Variants in BBS2 observed in about 807,000 individuals in gnomAD.
The protein encoded by BBS2 is BBSome complex member BBS2.
In BBS2, 62 loss-of-function variants were observed where a neutral mutation model predicts 83.0. The observed-to-expected ratio is 0.75, with a 90% CI of 0.61 to 0.92. The LOEUF (loss-of-function observed/expected upper bound fraction) is 0.92, where lower values mean the gene tolerates loss of function less well. Among genes scored for constraint, BBS2 ranks in the 40% least tolerant of loss-of-function variants. BBS2 has a pLI of 0.00. For missense variants in BBS2, 784 were observed against 901.0 expected, an observed-to-expected ratio of 0.87 and a Z score of 1.66; for synonymous variants, 303 against 326.1, an observed-to-expected ratio of 0.93 and a Z score of 0.76.
intron 9 of BBS2, 132 bp from the exon 10 acceptor site, chr16:56,501,629 C>G: frequency 7.9e-7 from 1 of 1,269,746 alleles, no homozygotes; most frequent in African/African-American, 1.5e-5. Context: ...TAATCTGATT[C>G]TTTAGAATTC....
At chr16:56,490,314 C>A (rs1185385671) in intron 15 of BBS2, among the ~76,000 whole-genome samples, 1 of 151,922 alleles carries the variant, frequency 6.6e-6, no homozygotes, top group Non-Finnish European at 1.5e-5. Flanking sequence ...TTACTCTATA[C>A]CCTGCTGTTA....
At chr16:56,516,289 G>A (rs1424239498) in intron 1 of BBS2, among the ~76,000 whole-genome samples, 1 of 152,190 alleles carries the variant, frequency 6.6e-6, no homozygotes, top group African/African-American at 2.4e-5. Flanking sequence ...TCTAGCTGAG[G>A]AGGTGCTGCA....
At chr16:56,499,703 T>C (rs1964205649) in intron 12 of BBS2, 75 bp downstream of exon 12, 2 of 1,590,510 alleles carry the variant, frequency 1.3e-6, no homozygotes, top group Admixed American at 3.3e-5. Flanking sequence ...TTAATGTAAT[T>C]TTCCCTTTCT....
At chr16:56,513,719 T>A (rs1254530420) in intron 2 of BBS2, among the ~76,000 whole-genome samples, 2 of 152,156 alleles carry the variant, frequency 1.3e-5, no homozygotes, top group African/African-American at 2.4e-5. Flanking sequence ...GTGATACTAA[T>A]GGGTATGGGT....
chr16:56,478,725 AG>A (rs1327024074), intron 17 of BBS2: 1 of 152,148 alleles, frequency 6.6e-6, no homozygotes, highest in East Asian at 1.9e-4. Context: ...TGTGCTTTTT[AG>A]TGTCTCCTTT....
intron 1 of BBS2, among the ~76,000 whole-genome samples, chr16:56,518,892 T>C (rs1338012533): frequency 1.3e-5 from 2 of 152,246 alleles, no homozygotes; most frequent in Non-Finnish European, 2.9e-5. Context: ...GACTCTCACA[T>C]CTTGCCCAGT....
chr16:56,483,425 T>C (rs1963694130), downstream of BBS2, among the ~76,000 whole-genome samples: 1 of 152,170 alleles, frequency 6.6e-6, no homozygotes, highest in Admixed American at 6.5e-5. Flanking sequence ...CAAACCTTTT[T>C]CCTTAGGCTT....
chr16:56,480,369 A>AAAAAAAAAAAAAAAAAC (rs1963639810), downstream of BBS2, among the ~76,000 whole-genome samples: 3 of 145,468 alleles, frequency 2.1e-5, no homozygotes, highest in African/African-American at 7.6e-5. Context: ...AAAAAAACAA[A>AAAAAAAAAAAAAAAAAC]AAAAAAAACA....
chr16:56,485,396 C>T (rs189941032), intron 16 of BBS2, among the ~76,000 whole-genome samples, 194 bp downstream of exon 16: 36 of 152,228 alleles, frequency 2.4e-4, no homozygotes, highest in African/African-American at 8.7e-4. Context: ...GGTTTTCTCT[C>T]CCTTTGAAGT....
chr16:56,517,130 G>A (rs1305874556), intron 1 of BBS2, among the ~76,000 whole-genome samples: 2 of 151,928 alleles, frequency 1.3e-5, no homozygotes, highest in Non-Finnish European at 2.9e-5. Context: ...CTTCTACTCC[G>A]ACACCTACCT....
intron 2 of BBS2, among the ~76,000 whole-genome samples, 181 bp downstream of exon 2, chr16:56,514,272 C>A (rs1309690344): frequency 6.6e-6 from 1 of 152,120 alleles, no homozygotes. Flanking sequence ...GCAACCATAA[C>A]CAAATAAATA....
chr16:56,506,086 A>C, intron 6 of BBS2, 34 bp downstream of exon 6: 1 of 1,609,208 alleles, frequency 6.2e-7, no homozygotes, highest in Non-Finnish European at 8.5e-7. Context: ...ATAACTATCA[A>C]GCGCCTGAAT....
Position 56,498,628 on chromosome 16 carries a change from A to C in BBS2, c.1528-60T>G. On this transcript the variant is annotated intron_variant, in intron 12 of 16. Coordinates refer to ENST00000245157, the MANE Select transcript of BBS2 (RefSeq NM_031885.5). Reference sequence around the variant, plus strand: ...TTAAGGTACAGACGTTCTTTTTTTTAATGTGCCTCTAGATATGAAGGTACA... The same window carrying C: ...TTAAGGTACAGACGTTCTTTTTTTTCATGTGCCTCTAGATATGAAGGTACA... 1.9e-6 allele frequency: 3 copies of C among 1,610,456 alleles called. 1 individual carries two copies. In the South Asian group the frequency reaches 3.3e-5, roughly 18 times the overall value.
intron 2 of BBS2, among the ~76,000 whole-genome samples, chr16:56,512,245 G>A (rs1417041180): frequency 2.0e-5 from 3 of 152,182 alleles, no homozygotes; most frequent in African/African-American, 7.2e-5. Context: ...ACTGCAGGCA[G>A]GAGTATAAAG....
At chr16:56,493,942 T>C (rs1307825706) in intron 15 of BBS2, among the ~76,000 whole-genome samples, 1 of 152,118 alleles carries the variant, frequency 6.6e-6, no homozygotes, top group Non-Finnish European at 1.5e-5. Flanking sequence ...GTTATGTTGA[T>C]ACTGATTGGA....
intron 12 of BBS2, 107 bp from the exon 13 acceptor site, chr16:56,498,675 C>A (rs774552156): frequency 1.3e-5 from 21 of 1,578,658 alleles, no homozygotes; most frequent in Non-Finnish European, 1.8e-5. Flanking sequence ...GGGAAGAGTT[C>A]TCCTTCTTTC....
At chr16:56,519,165 T>A (rs1964839597) in intron 1 of BBS2, among the ~76,000 whole-genome samples, 1 of 151,812 alleles carries the variant, frequency 6.6e-6, no homozygotes, top group African/African-American at 2.4e-5. Flanking sequence ...ATCCTGTCTC[T>A]ACTAAAAATA....
intron 15 of BBS2, among the ~76,000 whole-genome samples, chr16:56,492,438 T>C (rs1597008176): frequency 1.3e-5 from 2 of 152,302 alleles, no homozygotes; most frequent in South Asian, 2.1e-4. Context: ...TATATTTGCA[T>C]GGAGTATCTA....
In BBS2 at chr16:56,510,880, A is replaced by G; in HGVS notation, c.513T>C (p.Phe171=). ...DNVNSLALCD[F]DGDGKKELLV... ...ATACCTCTTTCTTTCCATCACCATC[A>G]AAGTCACACAAGGCCAAGGAATTAA... The change falls in exon 4 of 17, where the codon TTT becomes TTC. Residue 171 remains phenylalanine, a synonymous_variant. Coordinates refer to ENST00000245157, the MANE Select transcript of BBS2 (RefSeq NM_031885.5). 1.9e-6 allele frequency: 3 copies of G among 1,614,154 alleles called. No homozygotes were observed. The highest frequency in any genetic ancestry group is 2.5e-6 in the Non-Finnish European group (3 of 1,180,034).
Sources: gnomAD v4.1 joint callset for allele counts (sites outside exome capture counted in the v4.1 genomes callset) on GRCh38, gnomAD v4.1.1 for gene constraint, MANE v1.5 for transcripts, NCBI Gene and HGNC (gene_info 2026-07-23, HGNC 2026-07-21) for gene names.